KRABD5: variants seen among roughly 807,000 people sequenced by gnomAD.
KRABD5 encodes KRAB domain-containing protein 5.
chr16:31,753,932 T>A, the KRABD5 span: 1 of 1,550,840 alleles, frequency 6.4e-7, no homozygotes, highest in Non-Finnish European at 8.7e-7. Context: ...GATATTATGA[T>A]GGACATACAA....
chr16:31,751,811 C>T, the KRABD5 span, among the ~76,000 whole-genome samples: 1 of 152,102 alleles, frequency 6.6e-6, no homozygotes, highest in Admixed American at 6.5e-5. Flanking sequence ...CATTTGTGCT[C>T]AGCTTATTTT....
the KRABD5 span, among the ~76,000 whole-genome samples, chr16:31,715,015 G>T: frequency 1.3e-5 from 2 of 152,254 alleles, no homozygotes; most frequent in Non-Finnish European, 2.9e-5. Context: ...TTCTTTCATA[G>T]GGAGGAGCAA....
At chr16:31,741,867 A>G in the KRABD5 span, among the ~76,000 whole-genome samples, 2,555 of 152,212 alleles carry the variant, frequency 0.017, 40 homozygotes, top group Non-Finnish European at 0.027. Flanking sequence ...TTCTTTGCCA[A>G]AGTCAATGTC....
chr16:31,724,703 A>G, the KRABD5 span, among the ~76,000 whole-genome samples: 21 of 57,018 alleles, frequency 3.7e-4, no homozygotes, highest in South Asian at 2.1e-3. Flanking sequence ...CAAAAAAAAA[A>G]GAAAAAAAAA....
At chr16:31,745,150 G>T in the KRABD5 span, among the ~76,000 whole-genome samples, 33 of 151,958 alleles carry the variant, frequency 2.2e-4, no homozygotes, top group African/African-American at 7.7e-4. Flanking sequence ...GTTATTTCTT[G>T]TCTTCTGCTA....
chr16:31,719,741 A>G, the KRABD5 span, among the ~76,000 whole-genome samples: 1 of 152,180 alleles, frequency 6.6e-6, no homozygotes, highest in Admixed American at 6.5e-5. Flanking sequence ...CAAACCCAAA[A>G]GCAGTTAAAT....
At chr16:31,728,098 A>T in the KRABD5 span, among the ~76,000 whole-genome samples, 1 of 152,244 alleles carries the variant, frequency 6.6e-6, no homozygotes, top group East Asian at 1.9e-4. Flanking sequence ...CAAGTGATTT[A>T]CCTGCCATGG....
chr16:31,725,572 C>T, the KRABD5 span, among the ~76,000 whole-genome samples: 1 of 152,190 alleles, frequency 6.6e-6, no homozygotes, highest in Non-Finnish European at 1.5e-5. Flanking sequence ...CTTTTCTCCA[C>T]ACTGTCACCA....
the KRABD5 span, among the ~76,000 whole-genome samples, chr16:31,717,000 T>G: frequency 2.2e-4 from 2 of 9,206 alleles, no homozygotes; most frequent in South Asian, 7.6e-3. Context: ...AGTCTTTGTT[T>G]TTTTTTTTTT....
the KRABD5 span, chr16:31,759,261 A>G: frequency 7.5e-6 from 10 of 1,327,882 alleles, no homozygotes; most frequent in Non-Finnish European, 1.0e-5. Context: ...AATATGAAAA[A>G]CCAAGCACAC....
the KRABD5 span, chr16:31,758,912 A>G: frequency 6.5e-6 from 1 of 153,874 alleles, no homozygotes; most frequent in Non-Finnish European, 1.4e-5. Context: ...TGTAGGATTT[A>G]TAATTTGTAG....
the KRABD5 span, chr16:31,723,280 C>G: frequency 6.2e-7 from 1 of 1,613,948 alleles, no homozygotes; most frequent in South Asian, 1.1e-5. Flanking sequence ...CTAAGCCGGA[C>G]CTGATCACCT....
the KRABD5 span, among the ~76,000 whole-genome samples, chr16:31,746,316 A>T: frequency 6.6e-6 from 1 of 152,174 alleles, no homozygotes; most frequent in Admixed American, 6.6e-5. Flanking sequence ...CATGGTGGTA[A>T]TGAAATCCCT....
At chr16:31,744,168 G>A in the KRABD5 span, among the ~76,000 whole-genome samples, 1 of 152,140 alleles carries the variant, frequency 6.6e-6, no homozygotes, top group Admixed American at 6.5e-5. Flanking sequence ...GTGTTGAATA[G>A]GAGTGGTGAG....
At chr16:31,717,371 A>G in the KRABD5 span, among the ~76,000 whole-genome samples, 1 of 152,244 alleles carries the variant, frequency 6.6e-6, no homozygotes, top group African/African-American at 2.4e-5. Flanking sequence ...CAAAGAAGAT[A>G]GAGCCGTATC....
the KRABD5 span, among the ~76,000 whole-genome samples, chr16:31,726,830 A>G: frequency 6.6e-6 from 1 of 152,212 alleles, no homozygotes; most frequent in Non-Finnish European, 1.5e-5. Context: ...TGACATTGGA[A>G]TTTTAATAGG....
chr16:31,734,131 A>G, the KRABD5 span, among the ~76,000 whole-genome samples: 6 of 152,092 alleles, frequency 3.9e-5, no homozygotes, highest in South Asian at 1.2e-3. Flanking sequence ...ACAATTATAT[A>G]TATGTGTGTG....
chr16:31,722,780 T>C, the KRABD5 span: 1 of 1,549,192 alleles, frequency 6.5e-7, no homozygotes, highest in Non-Finnish European at 8.6e-7. Context: ...TTGGAATATC[T>C]AATATCTAAT....
the KRABD5 span, among the ~76,000 whole-genome samples, chr16:31,746,825 T>G: frequency 1.3e-5 from 2 of 152,124 alleles, no homozygotes; most frequent in Admixed American, 6.6e-5. Flanking sequence ...TTTTATTATT[T>G]TTTTCTCTAG....
Sources: allele counts gnomAD v4.1 joint callset (sites outside exome capture counted in the v4.1 genomes callset), GRCh38; gene constraint gnomAD v4.1.1; transcripts MANE v1.5; gene names NCBI Gene and HGNC (gene_info 2026-07-23, HGNC 2026-07-21).